MLLT3: variants seen among roughly 807,000 people sequenced by gnomAD.
MLLT3 encodes the protein protein AF-9.
In MLLT3, 4 loss-of-function variants were observed where a neutral mutation model predicts 53.2. That is an observed-to-expected ratio of 0.08 (90% CI 0.04 to 0.17). The LOEUF (loss-of-function observed/expected upper bound fraction) is 0.17, where lower values mean the gene tolerates loss of function less well. MLLT3 is among the 10% of genes least tolerant of loss of function. The pLI is 1.00. For missense variants in MLLT3, 569 were observed against 684.0 expected (o/e 0.83, Z 1.87); for synonymous variants, 283 against 230.6 (o/e 1.23, Z -2.06).
At chr9:20,444,071 A>G (rs190286635) in intron 4 of MLLT3, among the ~76,000 whole-genome samples, 37 of 152,326 alleles carry the variant, frequency 2.4e-4, no homozygotes, top group African/African-American at 8.2e-4. Flanking sequence ...CACCCCAAAG[A>G]AAAGCTCATC....
intron 2 of MLLT3, among the ~76,000 whole-genome samples, chr9:20,527,998 C>T (rs1256122533): frequency 6.6e-6 from 1 of 152,204 alleles, no homozygotes; most frequent in African/African-American, 2.4e-5. Context: ...TATCTATTCC[C>T]AGTGCAATAG....
In MLLT3 at chr9:20,342,077, T is replaced by C. The variant is rs557615571; in HGVS notation, c.*4366A>G. ...GGATGTCTCAGATCTCCCCATCTAT[T>C]CTTCTTTAGAAACAGCATCACTTCT... is the stretch of plus-strand genomic sequence containing the variant. On this transcript the variant is annotated 3_prime_UTR_variant, in exon 11 of 11. Coordinates refer to ENST00000380338, the MANE Select transcript of MLLT3 (RefSeq NM_004529.4). 3.8e-5 allele frequency: 8 copies of C among 213,212 alleles called. No homozygotes were observed. In the South Asian group the frequency reaches 1.5e-3, roughly 40 times the overall value. 13.2% of individuals were successfully genotyped at this position (213,212 alleles called of 1,614,324 possible).
chr9:20,446,000 A>G (rs1367601755), intron 4 of MLLT3, among the ~76,000 whole-genome samples: 3 of 152,220 alleles, frequency 2.0e-5, no homozygotes, highest in Non-Finnish European at 4.4e-5. Flanking sequence ...TATCAATAAT[A>G]TAAGGCAGTC....
At chr9:20,361,526 C>T (rs1194680781) in intron 7 of MLLT3, among the ~76,000 whole-genome samples, 1 of 152,152 alleles carries the variant, frequency 6.6e-6, no homozygotes, top group Admixed American at 6.6e-5. Flanking sequence ...AAGGCTGTCT[C>T]TAGTTCTGAA....
At chr9:20,561,154 CA>C (rs2131152363) in intron 2 of MLLT3, among the ~76,000 whole-genome samples, 1 of 152,198 alleles carries the variant, frequency 6.6e-6, no homozygotes, top group Non-Finnish European at 1.5e-5. Context: ...CGTGTGTGCA[CA>C]AGCACATGCA....
chr9:20,430,680 C>T (rs530057963), intron 4 of MLLT3, among the ~76,000 whole-genome samples: 35 of 152,100 alleles, frequency 2.3e-4, no homozygotes, highest in African/African-American at 8.4e-4. Flanking sequence ...AGGAGAATAT[C>T]TATATGACCT....
intron 4 of MLLT3, among the ~76,000 whole-genome samples, chr9:20,435,801 G>T (rs1044402735): frequency 6.6e-6 from 1 of 152,128 alleles, no homozygotes; most frequent in African/African-American, 2.4e-5. Context: ...TCTTCTGCCA[G>T]AAGTCTTCCA....
chr9:20,375,799 G>A (rs1317544368), intron 5 of MLLT3, among the ~76,000 whole-genome samples: 3 of 151,504 alleles, frequency 2.0e-5, no homozygotes, highest in Non-Finnish European at 4.4e-5. Context: ...TAGTAGAGAC[G>A]GGGTTTCACA....
At chr9:20,494,933 AT>A (rs561881645) in intron 2 of MLLT3, among the ~76,000 whole-genome samples, 1 of 152,106 alleles carries the variant, frequency 6.6e-6, no homozygotes, top group South Asian at 2.1e-4. Flanking sequence ...ATGCAAGATG[AT>A]TTTTTTTCCT....
chr9:20,605,482 T>G (rs1313031667), intron 2 of MLLT3, among the ~76,000 whole-genome samples: 1 of 152,070 alleles, frequency 6.6e-6, no homozygotes, highest in Non-Finnish European at 1.5e-5. Context: ...TTAGTCTAGT[T>G]AATAACCACG....
chr9:20,419,630 C>T (rs1392829126), intron 4 of MLLT3, among the ~76,000 whole-genome samples: 4 of 151,642 alleles, frequency 2.6e-5, no homozygotes, highest in African/African-American at 7.3e-5. Context: ...ATTTGTAATA[C>T]TGAAATCTAG....
intron 2 of MLLT3, among the ~76,000 whole-genome samples, chr9:20,520,926 A>G (rs1227379309): frequency 1.3e-5 from 2 of 152,222 alleles, no homozygotes; most frequent in African/African-American, 2.4e-5. Flanking sequence ...GAAGCAGGAC[A>G]TGTAGAATAG....
chr9:20,465,035 T>C (rs938031469), intron 2 of MLLT3, among the ~76,000 whole-genome samples: 60 of 152,120 alleles, frequency 3.9e-4, no homozygotes, highest in Non-Finnish European at 8.1e-4. Context: ...ATATAACCTA[T>C]TTTTTCTTTT....
intron 4 of MLLT3, among the ~76,000 whole-genome samples, chr9:20,434,994 C>A (rs1258012214): frequency 6.6e-6 from 1 of 152,044 alleles, no homozygotes. Flanking sequence ...TGATGATTTA[C>A]ACAAAAGATC....
chr9:20,346,119 C>T lies in MLLT3; in HGVS notation c.*324G>A. 6.4e-6 allele frequency: 2 copies of T among 310,180 alleles called. No individual in the cohort carries two copies. Among genetic ancestry groups the T allele is most frequent in the Non-Finnish European group, 1.2e-5 (2 of 165,766 alleles). The allele number at this position is 310,180 out of a possible 1,614,324, so 19.2% of individuals were successfully genotyped here. A position where few individuals can be genotyped will look rare whatever the true frequency, so the allele number is the denominator to read the frequency against. Reference sequence around the variant, plus strand: ...ACCACCACAGAGAGATACATGATACCATACACATTCTTTGAGTTTTCTTGT... The same window carrying T: ...ACCACCACAGAGAGATACATGATACTATACACATTCTTTGAGTTTTCTTGT... On this transcript the variant is annotated 3_prime_UTR_variant, in exon 11 of 11. Transcript: ENST00000380338.
chr9:20,600,155 AC>A (rs1199234141), intron 2 of MLLT3, among the ~76,000 whole-genome samples: 2 of 151,184 alleles, frequency 1.3e-5, no homozygotes, highest in African/African-American at 4.9e-5. Context: ...CAAAAAAAAA[AC>A]ACTTAGTTCA....
At chr9:20,390,983 G>A (rs189192977) in intron 5 of MLLT3, among the ~76,000 whole-genome samples, 8 of 152,312 alleles carry the variant, frequency 5.3e-5, no homozygotes, top group Non-Finnish European at 1.0e-4. Flanking sequence ...AAATTGGGGT[G>A]TGATTTACAT....
At chr9:20,354,403 A>G (rs778112663) in intron 9 of MLLT3, among the ~76,000 whole-genome samples, 21 of 152,238 alleles carry the variant, frequency 1.4e-4, no homozygotes, top group Non-Finnish European at 2.8e-4. Flanking sequence ...AAACCAGGCA[A>G]CTTAACCCCA....
At chr9:20,369,476 T>C (rs1402805668) in intron 5 of MLLT3, among the ~76,000 whole-genome samples, 1 of 152,160 alleles carries the variant, frequency 6.6e-6, no homozygotes, top group African/African-American at 2.4e-5. Context: ...AAGAACGCAA[T>C]TGCCACTTAA....
Sources: allele counts gnomAD v4.1 joint callset (sites outside exome capture counted in the v4.1 genomes callset), GRCh38; gene constraint gnomAD v4.1.1; transcripts MANE v1.5; gene names NCBI Gene and HGNC (gene_info 2026-07-23, HGNC 2026-07-21).